PHKA2: variants seen among roughly 807,000 people sequenced by gnomAD.
The protein encoded by PHKA2 is phosphorylase kinase regulatory subunit alpha 2, also known as phosphorylase b kinase regulatory subunit alpha, liver isoform.
A neutral mutation model predicts 102.0 loss-of-function variants in PHKA2; 31 were observed. That is an observed-to-expected ratio of 0.30 (90% CI 0.23 to 0.41). The LOEUF is 0.41. PHKA2 is among the 10% of genes least tolerant of loss of function. The pLI is 1.00. For synonymous variants in PHKA2, 455 were observed against 416.2 expected, an observed-to-expected ratio of 1.09 and a Z score of -1.13; for missense variants, 858 against 1,023.1, an observed-to-expected ratio of 0.84 and a Z score of 2.20.
At chrX:18,929,089 A>G (rs1485615930) in intron 13 of PHKA2, 139 bp downstream of exon 13, 2 of 486,005 alleles carry the variant, frequency 4.1e-6, no homozygotes, top group Non-Finnish European at 7.3e-6. Flanking sequence ...TATATAAGGC[A>G]TCTCACACAA....
At chrX:18,934,077 CAT>C (rs1452127334) in intron 11 of PHKA2, among the ~76,000 whole-genome samples, 1 of 111,962 alleles carries the variant, frequency 8.9e-6, no homozygotes, top group Non-Finnish European at 1.9e-5. Flanking sequence ...AATTACCTCT[CAT>C]TACCAATTCG....
chrX:18,962,128 C>A (rs767390052), intron 1 of PHKA2, among the ~76,000 whole-genome samples: 19 of 111,864 alleles, frequency 1.7e-4, no homozygotes, highest in African/African-American at 5.8e-4. Flanking sequence ...GCTTGAGAAA[C>A]AACACTTAAA....
chrX:18,942,383 A>G (rs1230014180), intron 7 of PHKA2, among the ~76,000 whole-genome samples: 1 of 111,849 alleles, frequency 8.9e-6, no homozygotes, highest in East Asian at 2.8e-4. Context: ...TGCAAACATA[A>G]GCTCATTGAA....
At chrX:18,941,106 C>T (rs2048482721) in intron 8 of PHKA2, among the ~76,000 whole-genome samples, 1 of 112,332 alleles carries the variant, frequency 8.9e-6, no homozygotes, top group Non-Finnish European at 1.9e-5. Flanking sequence ...ATCACGGTTA[C>T]TGCATTTCAC....
At chrX:18,971,140 G>C (rs777938155) in intron 1 of PHKA2, among the ~76,000 whole-genome samples, 2 of 112,401 alleles carry the variant, frequency 1.8e-5, no homozygotes, top group South Asian at 7.3e-4. Flanking sequence ...AAAGAAATTT[G>C]GGTTTTGTTT....
intron 17 of PHKA2, 72 bp from the exon 18 acceptor site, chrX:18,920,273 CTT>C (rs1458302356): frequency 6.9e-6 from 4 of 576,618 alleles, no homozygotes; most frequent in Non-Finnish European, 1.2e-5. Context: ...CACTGAGAGA[CTT>C]TTGCACAACC....
Position 18,894,207 on chromosome X carries a change from G to A in PHKA2, c.3534C>T (p.Asp1178=). Residue 1178 remains aspartate (D), a synonymous_variant, in exon 32 of 33, where the codon GAC becomes GAT. Transcript: ENST00000379942. ...VQMASQLFLQ[D]QVSIGAMDTL... Reference sequence around the variant, plus strand: ...CCCAGCTCCCTGGCACCCCCACCTGGTCCTGCAAGAACAGCTGACTGGCCA... The same window carrying A: ...CCCAGCTCCCTGGCACCCCCACCTGATCCTGCAAGAACAGCTGACTGGCCA... 8.3e-7 allele frequency: 1 copy of A among 1,209,798 alleles called. No homozygotes were observed. The highest frequency in any genetic ancestry group is 1.1e-6 in the Non-Finnish European group (1 of 893,752).
At position 18,918,802 on chromosome X, in the gene PHKA2, C is replaced by T. The variant is rs747177338; in HGVS notation, c.2016G>A (p.Ser672=). 2 of 1,210,084 alleles carry T rather than the reference C, an allele frequency of 1.7e-6. No individual in the cohort carries two copies. Among genetic ancestry groups the T allele is most frequent in the Admixed American group, 2.2e-5 (1 of 45,967 alleles). Reference sequence around the variant, plus strand: ...AAAGAGGAGGCAGATAGGACCTCAACGATGTGCTTTGCAGAAGGTGGTTGA... The same window carrying T: ...AAAGAGGAGGCAGATAGGACCTCAATGATGTGCTTTGCAGAAGGTGGTTGA... ...HYINHLLQST[S]LRSYLPPLCK... Residue 672 remains serine, a synonymous_variant, in exon 19 of 33, where the codon TCG becomes TCA. Coordinates refer to ENST00000379942, the MANE Select transcript of PHKA2 (RefSeq NM_000292.3).
chrX:18,922,920 T>C (rs774550687), intron 17 of PHKA2, among the ~76,000 whole-genome samples: 1 of 110,121 alleles, frequency 9.1e-6, no homozygotes, highest in Non-Finnish European at 1.9e-5. Context: ...GGTGAGAGGA[T>C]GTGAGAAGAA....
intron 5 of PHKA2, among the ~76,000 whole-genome samples, chrX:18,947,167 A>C (rs771325512): frequency 2.6e-4 from 29 of 112,282 alleles, no homozygotes; most frequent in African/African-American, 8.7e-4. Context: ...GGCTGCTTTC[A>C]TGCTACAAAG....
At chrX:18,904,319 T>C (rs926406776) in intron 26 of PHKA2, among the ~76,000 whole-genome samples, 2 of 112,147 alleles carry the variant, frequency 1.8e-5, no homozygotes, top group African/African-American at 6.5e-5. Context: ...TTAATCAAAA[T>C]TCTAAGCCTA....
In PHKA2 at chrX:18,983,942, G is replaced by A; in HGVS notation, c.-10C>T. 8.3e-7 allele frequency: 1 copy of A among 1,203,571 alleles called. No individual in the cohort carries two copies. Among genetic ancestry groups the A allele is most frequent in the Non-Finnish European group, 1.1e-6 (1 of 887,712 alleles). The stretch of plus-strand genomic sequence containing the variant: ...TGCTCCTGCTCCGCATCTCCCCGAG[G>A]CTCCCAGGCCGCAGCGCCCGATCTG... On this transcript the variant is annotated 5_prime_UTR_variant, in exon 1 of 33. Coordinates refer to ENST00000379942, the MANE Select transcript of PHKA2 (RefSeq NM_000292.3).
At chrX:18,959,507 T>C (rs186774886) in intron 1 of PHKA2, among the ~76,000 whole-genome samples, 14 of 111,631 alleles carry the variant, frequency 1.3e-4, no homozygotes, top group Non-Finnish European at 1.7e-4. Flanking sequence ...TTTTATCACA[T>C]TGACATTTTT....
rs1394355404 is a variant in PHKA2, at chrX:18,898,148, T to C, written c.3112-815A>G. ...ATCCCATTTCCGGCTTTCCCTATTCTTGGCACTGGGCTTTATCTTAATTTG... is the reference window on the plus strand; with the variant it reads ...ATCCCATTTCCGGCTTTCCCTATTCCTGGCACTGGGCTTTATCTTAATTTG... On this transcript the variant is annotated intron_variant, in intron 29 of 32. Coordinates refer to ENST00000379942, the MANE Select transcript of PHKA2 (RefSeq NM_000292.3). 5.3e-5 allele frequency: 6 copies of C among 113,000 alleles called. No individual in the cohort carries two copies. In the Admixed American group the frequency reaches 5.6e-4, roughly 10 times the overall value. 9.3% of individuals were successfully genotyped at this position (113,000 alleles called of 1,213,427 possible).
At chrX:18,971,288 T>C (rs1446139474) in intron 1 of PHKA2, among the ~76,000 whole-genome samples, 1 of 112,564 alleles carries the variant, frequency 8.9e-6, no homozygotes, top group East Asian at 2.8e-4. Flanking sequence ...ATTTGTTGTT[T>C]AGATTTGCTT....
intron 1 of PHKA2, 45 bp downstream of exon 1, chrX:18,983,810 T>G: frequency 3.5e-5 from 37 of 1,046,429 alleles, no homozygotes; most frequent in African/African-American, 7.3e-5. Flanking sequence ...ATGAGTTACA[T>G]GAGAGGGTAG....
rs763665836 is a variant in PHKA2, at chrX:18,979,370, T to G, written c.78+4485A>C. On this transcript the variant is annotated intron_variant, in intron 1 of 32. Transcript: ENST00000379942. ...GTATTTACTGTCCCAGTCTCTTAGT[T>G]ATTTGCTTTATTATACCAAATAATC... 8.9e-5 allele frequency among the ~76,000 whole-genome samples: 10 copies of G among 112,183 alleles called. No homozygotes were observed. The East Asian group carries it at 2.8e-3, about 31-fold the overall frequency.
intron 12 of PHKA2, among the ~76,000 whole-genome samples, chrX:18,930,813 C>G (rs2048301533): frequency 9.0e-6 from 1 of 111,029 alleles, no homozygotes; most frequent in African/African-American, 3.3e-5. Flanking sequence ...AGGGCTGCTT[C>G]CACGGTGGTA....
intron 17 of PHKA2, among the ~76,000 whole-genome samples, chrX:18,922,205 C>T (rs975569757): frequency 3.6e-5 from 4 of 110,461 alleles, no homozygotes; most frequent in African/African-American, 9.9e-5. Flanking sequence ...GAGATTGTGC[C>T]ACTGCACTCC....
Sources: allele counts gnomAD v4.1 joint callset (sites outside exome capture counted in the v4.1 genomes callset), GRCh38; gene constraint gnomAD v4.1.1; transcripts MANE v1.5; gene names NCBI Gene and HGNC (gene_info 2026-07-23, HGNC 2026-07-21).